Variants in MMP26 observed in about 807,000 individuals in gnomAD.
MMP26 encodes matrix metallopeptidase 26.
MMP26 carries 33 observed loss-of-function variants against 31.0 expected under a neutral mutation model. The ratio of observed to expected loss-of-function variants is 1.06; its 90% CI spans 0.81 to 1.42. The LOEUF (loss-of-function observed/expected upper bound fraction) is 1.42, where lower values mean the gene tolerates loss of function less well. MMP26 is among the 40% of genes most tolerant of loss of function. The pLI is 0.00. For synonymous variants in MMP26, 122 were observed against 114.9 expected (o/e 1.06, Z -0.40); for missense variants, 347 against 316.1 (o/e 1.10, Z -0.74).
intron 2 of MMP26, among the ~76,000 whole-genome samples, chr11:4,850,396 A>G (rs1353802561): frequency 6.6e-6 from 1 of 152,220 alleles, no homozygotes; most frequent in Non-Finnish European, 1.5e-5. Flanking sequence ...TCCCTAAGTC[A>G]GTTGTTGGTG....
At chr11:4,837,383 T>C (rs1849733354) in intron 2 of MMP26, among the ~76,000 whole-genome samples, 1 of 152,116 alleles carries the variant, frequency 6.6e-6, no homozygotes, top group Non-Finnish European at 1.5e-5. Context: ...ATTTATTTTT[T>C]AAATTTTTTG....
chr11:4,736,032 A>T (rs550542057), intron 1 of MMP26: 1 of 152,308 alleles, frequency 6.6e-6, no homozygotes, highest in Admixed American at 6.5e-5. Context: ...ACCAAACTGC[A>T]TCCCCTATGC....
At chr11:4,766,705 C>CTCCCTCCCTCCCTCCT (rs1341216241) in intron 1 of MMP26, among the ~76,000 whole-genome samples, 1 of 121,992 alleles carries the variant, frequency 8.2e-6, no homozygotes, top group African/African-American at 3.4e-5. Flanking sequence ...CCCTCCCTCC[C>CTCCCTCCCTCCCTCCT]TCCCTCCCTC....
At chr11:4,909,423 T>G (rs988617222) in intron 2 of MMP26, 3 of 152,114 alleles carry the variant, frequency 2.0e-5, no homozygotes, top group South Asian at 2.1e-4. Context: ...AATGATGGGT[T>G]TGAATTTTGT....
At position 4,723,202 on chromosome 11, in the gene MMP26, C is replaced by G. The variant is rs137919609; in HGVS notation, c.-217+18157C>G. The G allele has an allele frequency of 2.9e-3, 4,497 of 1,545,260 alleles. 142 individuals carry two copies. The African/African-American group carries it at 0.054, about 18-fold the overall frequency. On this transcript the variant is annotated intron_variant, in intron 1 of 7. Transcript: ENST00000380390. ...CTGCGATGGCGGCCTCCAGGGAAGC[C>G]CTCTGGCCTTTGAGGCCCTCAATCT...
At chr11:4,766,950 A>G (rs531326818) in intron 1 of MMP26, among the ~76,000 whole-genome samples, 1 of 152,128 alleles carries the variant, frequency 6.6e-6, no homozygotes, top group South Asian at 2.1e-4. Flanking sequence ...TCCAGCAGCT[A>G]GCAGGCATGT....
At chr11:4,863,953 T>A (rs1850199868) in intron 2 of MMP26, among the ~76,000 whole-genome samples, 1 of 152,204 alleles carries the variant, frequency 6.6e-6, no homozygotes, top group African/African-American at 2.4e-5. Context: ...CACAAATGCA[T>A]GTGTATGCAC....
At chr11:4,862,072 T>A (rs1304448022) in intron 2 of MMP26, among the ~76,000 whole-genome samples, 1 of 152,148 alleles carries the variant, frequency 6.6e-6, no homozygotes, top group Non-Finnish European at 1.5e-5. Context: ...ATGCATTATA[T>A]CCAGATATTT....
rs148272732 is a variant in MMP26 at position 4,909,840 on chromosome 11, C to G, written c.-144-78228C>G. Among the ~76,000 whole-genome samples, 1,091 of 152,230 alleles carry G rather than the reference C, an allele frequency of 7.2e-3. 14 individuals carry two copies. Among genetic ancestry groups the G allele is most frequent in the African/African-American group, 0.024 (982 of 41,554 alleles). ...GCTCTGTATATGCACAAGGCCTTTT[C>G]CATCATTCAGTACCTGCTTTTCTCT... is the stretch of plus-strand genomic sequence containing the variant. On this transcript the variant is annotated intron_variant, in intron 2 of 7. Coordinates refer to ENST00000380390, the MANE Select transcript of MMP26 (RefSeq NM_021801.5).
At chr11:4,908,449 T>A in intron 2 of MMP26, 1 of 748,536 alleles carries the variant, frequency 1.3e-6, no homozygotes. Context: ...TATAATAAAG[T>A]TGAGAATATA....
At chr11:4,915,062 C>A in intron 2 of MMP26, 1 of 1,614,016 alleles carries the variant, frequency 6.2e-7, no homozygotes, top group South Asian at 1.1e-5. Context: ...GCCGTAGATG[C>A]TGTTGGCCTT....
At chr11:4,757,110 C>A (rs189596346) in intron 1 of MMP26, among the ~76,000 whole-genome samples, 15 of 152,012 alleles carry the variant, frequency 9.9e-5, no homozygotes, top group African/African-American at 3.6e-4. Flanking sequence ...GCAATTAAGA[C>A]ACATAGCATG....
chr11:4,719,858 T>C (rs1296115279), intron 1 of MMP26, among the ~76,000 whole-genome samples: 1 of 152,216 alleles, frequency 6.6e-6, no homozygotes, highest in Non-Finnish European at 1.5e-5. Context: ...TGCGGTATTA[T>C]TTTGTTTTAA....
At chr11:4,848,408 C>T (rs542556778) in intron 2 of MMP26, 2 of 1,613,946 alleles carry the variant, frequency 1.2e-6, no homozygotes, top group East Asian at 4.5e-5. Flanking sequence ...GATGGTTAAT[C>T]AGTGCCAGGA....
intron 2 of MMP26, chr11:4,913,465 C>T (rs1253639775): frequency 6.6e-6 from 1 of 152,228 alleles, no homozygotes; most frequent in Admixed American, 6.6e-5. Flanking sequence ...GGCAATATCA[C>T]ATTCAAGCTT....
chr11:4,715,759 T>G (rs1847921830), intron 1 of MMP26, among the ~76,000 whole-genome samples: 2 of 152,178 alleles, frequency 1.3e-5, no homozygotes, highest in Admixed American at 6.5e-5. Flanking sequence ...GCTCTAAAGA[T>G]TTCTGCCCAT....
At chr11:4,965,102 A>G (rs1846574114) in intron 2 of MMP26, among the ~76,000 whole-genome samples, 1 of 152,214 alleles carries the variant, frequency 6.6e-6, no homozygotes, top group Non-Finnish European at 1.5e-5. Context: ...TTATCCAACA[A>G]AGGACTTTCC....
intron 2 of MMP26, chr11:4,907,577 G>A (rs545936284): frequency 6.2e-7 from 1 of 1,613,946 alleles, no homozygotes; most frequent in Admixed American, 1.7e-5. Context: ...GGCTGTCTCT[G>A]ACATGGGCCT....
Position 4,970,124 on chromosome 11 carries a change from T to C in MMP26, c.-144-17944T>C, listed in dbSNP as rs186676988. Among the ~76,000 whole-genome samples, 498 of 152,344 alleles carry C rather than the reference T, an allele frequency of 3.3e-3. 2 individuals are homozygous for C. The highest frequency in any genetic ancestry group is 9.9e-3 in the African/African-American group (411 of 41,588). ...CATTTTAAAATTCTTAGCTATGAGT[T>C]AGTAAAGCATAGTAATACAAAAAAC... On this transcript the variant is annotated intron_variant, in intron 2 of 7. Coordinates refer to ENST00000380390, the MANE Select transcript of MMP26 (RefSeq NM_021801.5).
Sources: allele counts gnomAD v4.1 joint callset (sites outside exome capture counted in the v4.1 genomes callset), GRCh38; gene constraint gnomAD v4.1.1; transcripts MANE v1.5; gene names NCBI Gene and HGNC (gene_info 2026-07-23, HGNC 2026-07-21).